The following CCDC91 variants were observed in gnomAD, a reference collection of about 807,000 sequenced individuals.
CCDC91 encodes the protein coiled-coil domain-containing protein 91.
Under a neutral mutation model 63.2 loss-of-function variants are expected in CCDC91, and 48 were observed. That is an observed-to-expected ratio of 0.76 (90% CI 0.60 to 0.97). CCDC91 has a LOEUF of 0.97. Among genes scored for constraint, CCDC91 ranks in the 50% least tolerant of loss-of-function variants. CCDC91 has a pLI of 0.00. For missense variants in CCDC91, 500 were observed against 494.6 expected (o/e 1.01, Z -0.10); for synonymous variants, 167 against 165.8 (o/e 1.01, Z -0.06).
chr12:28,417,909 A>G (rs903228178), intron 8 of CCDC91, among the ~76,000 whole-genome samples: 20 of 151,934 alleles, frequency 1.3e-4, no homozygotes, highest in Non-Finnish European at 2.4e-4. Context: ...TTTTCCTTCC[A>G]TTACTGAGTG....
intron 8 of CCDC91, among the ~76,000 whole-genome samples, chr12:28,418,710 A>G (rs1165111684): frequency 2.0e-5 from 3 of 152,136 alleles, no homozygotes; most frequent in Non-Finnish European, 4.4e-5. Flanking sequence ...GGATTCTTAG[A>G]ATGAAAGAAA....
At chr12:28,196,310 T>C (rs1172774556) in intron 1 of CCDC91, among the ~76,000 whole-genome samples, 1 of 151,854 alleles carries the variant, frequency 6.6e-6, no homozygotes, top group African/African-American at 2.4e-5. Context: ...TATTTTAATA[T>C]TGATCTTGAA....
intron 3 of CCDC91, among the ~76,000 whole-genome samples, chr12:28,295,445 G>A (rs1423664394): frequency 6.6e-6 from 1 of 151,984 alleles, no homozygotes; most frequent in Non-Finnish European, 1.5e-5. Context: ...GCTATTTGGA[G>A]TGTTGCAATA....
intron 1 of CCDC91, among the ~76,000 whole-genome samples, chr12:28,232,906 A>C (rs935445229): frequency 3.3e-5 from 5 of 151,144 alleles, no homozygotes; most frequent in African/African-American, 1.2e-4. Context: ...ACTTGAACCC[A>C]GGAGGCAGAG....
At chr12:28,487,331 A>T (rs1951778094) in intron 12 of CCDC91, among the ~76,000 whole-genome samples, 1 of 151,630 alleles carries the variant, frequency 6.6e-6, no homozygotes, top group South Asian at 2.1e-4. Context: ...TAATTACTAG[A>T]CCTCTTTATT....
intron 3 of CCDC91, among the ~76,000 whole-genome samples, chr12:28,270,092 A>C (rs1947647786): frequency 6.6e-6 from 1 of 151,966 alleles, no homozygotes; most frequent in Non-Finnish European, 1.5e-5. Flanking sequence ...AATTTCCTAC[A>C]TTTACATTAA....
At chr12:28,367,715 A>G (rs1944364127) in intron 7 of CCDC91, among the ~76,000 whole-genome samples, 2 of 152,204 alleles carry the variant, frequency 1.3e-5, no homozygotes, top group South Asian at 4.1e-4. Context: ...TAATTTATGC[A>G]TCAGCTTGAC....
At chr12:28,307,779 G>A (rs779580897) in intron 6 of CCDC91, 30 bp downstream of exon 6, 6 of 1,186,906 alleles carry the variant, frequency 5.1e-6, no homozygotes, top group Non-Finnish European at 7.4e-6. Context: ...GATTTAAAAT[G>A]TAAGCCTTTT....
intron 12 of CCDC91, among the ~76,000 whole-genome samples, chr12:28,508,799 A>G (rs1939040579): frequency 6.6e-6 from 1 of 151,964 alleles, no homozygotes; most frequent in Admixed American, 6.6e-5. Flanking sequence ...AAGAATGGCG[A>G]TAAGTAAGTA....
intron 12 of CCDC91, among the ~76,000 whole-genome samples, chr12:28,515,084 C>T (rs1320862079): frequency 6.6e-6 from 1 of 151,578 alleles, no homozygotes; most frequent in African/African-American, 2.4e-5. Context: ...AATACTCTAC[C>T]CAAACTCCTT....
chr12:28,357,674 C>G (rs539444137), intron 6 of CCDC91, among the ~76,000 whole-genome samples: 1 of 152,066 alleles, frequency 6.6e-6, no homozygotes, highest in African/African-American at 2.4e-5. Context: ...CCTTATTGAA[C>G]AATACCTGGC....
intron 3 of CCDC91, among the ~76,000 whole-genome samples, chr12:28,285,554 C>T (rs1265804312): frequency 2.0e-5 from 3 of 151,608 alleles, no homozygotes; most frequent in East Asian, 1.9e-4. Context: ...TTAAATAAAT[C>T]GAGTTTAATG....
At chr12:28,338,133 A>C (rs1942129095) in intron 6 of CCDC91, among the ~76,000 whole-genome samples, 1 of 152,144 alleles carries the variant, frequency 6.6e-6, no homozygotes, top group Non-Finnish European at 1.5e-5. Context: ...AAAATGAGGA[A>C]TAATAAGCAA....
At chr12:28,427,671 T>A (rs1407216504) in intron 8 of CCDC91, among the ~76,000 whole-genome samples, 7 of 152,176 alleles carry the variant, frequency 4.6e-5, no homozygotes, top group African/African-American at 1.7e-4. Context: ...ATTCACTAGA[T>A]TTGCATATTT....
chr12:28,391,744 T>C (rs1427027946), intron 8 of CCDC91, among the ~76,000 whole-genome samples: 1 of 152,176 alleles, frequency 6.6e-6, no homozygotes, highest in Non-Finnish European at 1.5e-5. Flanking sequence ...TAAATAACAT[T>C]TGAATTTTTA....
chr12:28,228,509 C>T lies in CCDC91; in HGVS notation c.-14-28693C>T, dbSNP rs373575796. Among the ~76,000 whole-genome samples, 24 of 152,098 alleles carry T rather than the reference C, an allele frequency of 1.6e-4. No homozygotes were observed. The East Asian group carries it at 2.1e-3, about 13-fold the overall frequency. ...TACCTCACGAATACAGAATTCTTAT[C>T]GATGGTAACCAGGCTTCTGCTTGAA... is the stretch of plus-strand genomic sequence containing the variant. On this transcript the variant is annotated intron_variant, in intron 1 of 12. Coordinates refer to ENST00000536442, the MANE Select transcript of CCDC91 (RefSeq NM_018318.5).
chr12:28,273,377 A>G (rs1183456054), intron 3 of CCDC91, among the ~76,000 whole-genome samples: 1 of 151,974 alleles, frequency 6.6e-6, no homozygotes, highest in Non-Finnish European at 1.5e-5. Context: ...GCTGGGTCAA[A>G]TGGTATTTCT....
At chr12:28,316,768 T>TA (rs962188456) in intron 6 of CCDC91, among the ~76,000 whole-genome samples, 5 of 151,426 alleles carry the variant, frequency 3.3e-5, no homozygotes, top group African/African-American at 7.3e-5. Flanking sequence ...TTTTGTCTGA[T>TA]AAAAAAAATA....
chr12:28,276,309 A>G (rs1216517485), intron 3 of CCDC91, among the ~76,000 whole-genome samples: 1 of 152,046 alleles, frequency 6.6e-6, no homozygotes. Flanking sequence ...TAATGATAGT[A>G]CTGTTGAATA....
Sources: allele counts gnomAD v4.1 joint callset (sites outside exome capture counted in the v4.1 genomes callset), GRCh38; gene constraint gnomAD v4.1.1; transcripts MANE v1.5; gene names NCBI Gene and HGNC (gene_info 2026-07-23, HGNC 2026-07-21).